Variants in PRKG2 observed in about 807,000 individuals in gnomAD.
PRKG2 encodes cGMP-dependent protein kinase 2.
A neutral mutation model predicts 97.2 loss-of-function variants in PRKG2; 33 were observed. That is an observed-to-expected ratio of 0.34 (90% CI 0.26 to 0.45). The LOEUF (loss-of-function observed/expected upper bound fraction) is 0.45. PRKG2 is among the 20% of genes least tolerant of loss of function. The probability of loss-of-function intolerance (pLI) is 1.00; values close to 1 mark genes in which losing one functional copy is unlikely to be tolerated. For synonymous variants in PRKG2, 330 were observed against 321.8 expected, an observed-to-expected ratio of 1.03 and a Z score of -0.27; for missense variants, 638 against 900.0, an observed-to-expected ratio of 0.71 and a Z score of 3.73.
chr4:81,132,043 T>A (rs1746233652), intron 14 of PRKG2, among the ~76,000 whole-genome samples: 1 of 152,142 alleles, frequency 6.6e-6, no homozygotes, highest in Non-Finnish European at 1.5e-5. Context: ...TTGAATTATC[T>A]AATCCATGAA....
chr4:81,124,657 G>A (rs192993183), intron 14 of PRKG2, among the ~76,000 whole-genome samples: 1 of 152,218 alleles, frequency 6.6e-6, no homozygotes, highest in East Asian at 1.9e-4. Flanking sequence ...GCACATGAGG[G>A]AGTCACCTTG....
rs149684851 is a variant in PRKG2, at chr4:81,181,663, A to G, written c.462-6704T>C. ...AGTAAGAGAGGGAGGAGGTATAATTACTATTACTAGAAATAAGAAGAAGAC... is the reference window on the plus strand; with the variant it reads ...AGTAAGAGAGGGAGGAGGTATAATTGCTATTACTAGAAATAAGAAGAAGAC... On this transcript the variant is annotated intron_variant, in intron 2 of 18. Coordinates refer to ENST00000264399, the MANE Select transcript of PRKG2 (RefSeq NM_006259.3). 5.3e-5 allele frequency among the ~76,000 whole-genome samples: 8 copies of G among 152,036 alleles called. No individual in the cohort carries two copies. In the East Asian group the frequency reaches 1.5e-3, roughly 29 times the overall value.
chr4:81,167,516 T>C (rs1750091249), intron 5 of PRKG2, among the ~76,000 whole-genome samples: 1 of 152,106 alleles, frequency 6.6e-6, no homozygotes, highest in African/African-American at 2.4e-5. Context: ...TAAATTTACA[T>C]TTGTTGTTGG....
At chr4:81,115,499 A>G (rs1744428073) in intron 14 of PRKG2, among the ~76,000 whole-genome samples, 2 of 152,216 alleles carry the variant, frequency 1.3e-5, no homozygotes, top group South Asian at 2.1e-4. Flanking sequence ...AGCTTCACAA[A>G]AAGTTCTGCT....
At chr4:81,217,293 G>A (rs147479798), upstream of PRKG2, among the ~76,000 whole-genome samples, 2 of 151,970 alleles carry the variant, frequency 1.3e-5, no homozygotes, top group East Asian at 1.9e-4. Context: ...GAGTATGCAC[G>A]CACACTGGGT....
chr4:81,210,336 A>T (rs1181313694), intron 1 of PRKG2, among the ~76,000 whole-genome samples: 1 of 152,174 alleles, frequency 6.6e-6, no homozygotes, highest in South Asian at 2.1e-4. Context: ...CATATGTCTA[A>T]TTCTGAACAC....
chr4:81,098,323 T>A (rs1277889947), intron 17 of PRKG2, among the ~76,000 whole-genome samples: 1 of 69,412 alleles, frequency 1.4e-5, no homozygotes, highest in Non-Finnish European at 2.2e-5. Flanking sequence ...ATCGTGTGAG[T>A]TAATAAACTC....
intron 17 of PRKG2, among the ~76,000 whole-genome samples, chr4:81,093,251 T>C (rs1258202556): frequency 1.3e-5 from 2 of 152,040 alleles, no homozygotes; most frequent in Admixed American, 1.3e-4. Flanking sequence ...TTGTTCTTTC[T>C]CTAGATTTCC....
chr4:81,198,869 T>A (rs898543518), intron 2 of PRKG2, among the ~76,000 whole-genome samples: 1 of 152,176 alleles, frequency 6.6e-6, no homozygotes, highest in Admixed American at 6.6e-5. Flanking sequence ...ACATTGTCTA[T>A]CACTATGAAA....
At chr4:81,155,009 C>T (rs1748885984) in intron 6 of PRKG2, among the ~76,000 whole-genome samples, 2 of 151,284 alleles carry the variant, frequency 1.3e-5, no homozygotes, top group African/African-American at 2.4e-5. Flanking sequence ...CCCGTCTCTA[C>T]TAAAAATACA....
At chr4:81,163,897 CACACA>C in intron 6 of PRKG2, among the ~76,000 whole-genome samples, 3 of 150,860 alleles carry the variant, frequency 2.0e-5, no homozygotes, top group East Asian at 2.0e-4. Context: ...CACACACACA[CACACA>C]CCTCTGTGCA....
At chr4:81,108,391 C>T (rs765419762) in intron 15 of PRKG2, among the ~76,000 whole-genome samples, 2 of 151,552 alleles carry the variant, frequency 1.3e-5, no homozygotes, top group Non-Finnish European at 2.9e-5. Flanking sequence ...TTTTACTAAA[C>T]TATATTTCAC....
chr4:81,161,147 C>T (rs1186696556), intron 6 of PRKG2, among the ~76,000 whole-genome samples: 1 of 152,064 alleles, frequency 6.6e-6, no homozygotes, highest in African/African-American at 2.4e-5. Flanking sequence ...AAATGTTACT[C>T]CTAATACTAA....
chr4:81,202,718 T>C (rs1753392406), intron 2 of PRKG2, among the ~76,000 whole-genome samples: 1 of 131,920 alleles, frequency 7.6e-6, no homozygotes, highest in African/African-American at 3.8e-5. Flanking sequence ...ACAGAAAGTG[T>C]ATATAACTAC....
In PRKG2 at chr4:81,088,164, T is replaced by G. The variant is rs1741255591; in HGVS notation, c.*1544A>C. ...CTCCAGGAAACAAAAACTCTTTGGT[T>G]CAGCAAAAGGATTATAAATGTGGAA... On this transcript the variant is annotated 3_prime_UTR_variant, in exon 19 of 19. Coordinates refer to ENST00000264399, the MANE Select transcript of PRKG2 (RefSeq NM_006259.3). The G allele has an allele frequency of 6.6e-6, 1 of 152,126 alleles. No homozygotes were observed. Among genetic ancestry groups the G allele is most frequent in the South Asian group, 2.1e-4 (1 of 4,828 alleles). The allele number at this position is 152,126 out of a possible 1,614,324, so 9.4% of individuals were successfully genotyped here.
At chr4:81,143,967 T>C (rs1025664937) in intron 10 of PRKG2, among the ~76,000 whole-genome samples, 4 of 152,156 alleles carry the variant, frequency 2.6e-5, no homozygotes, top group Non-Finnish European at 5.9e-5. Context: ...AATATCCCTT[T>C]TGTAAGGCCC....
At chr4:81,154,467 C>G (rs1443640987) in intron 6 of PRKG2, among the ~76,000 whole-genome samples, 1 of 149,900 alleles carries the variant, frequency 6.7e-6, no homozygotes, top group East Asian at 1.9e-4. Context: ...TGACCCTGAC[C>G]CCCGAGCAGC....
In PRKG2 at chr4:81,093,707, CT is replaced by C. The variant is rs77191687; in HGVS notation, c.2127-1256del. ...GAAAATATGGGATTAAGAGGAAGTT[CT>C]TTCATCATTGCTTATGCATCACTCA... On this transcript the variant is annotated intron_variant, in intron 17 of 18. Coordinates refer to ENST00000264399, the MANE Select transcript of PRKG2 (RefSeq NM_006259.3). Among the ~76,000 whole-genome samples the C allele has an allele frequency of 7.5e-4, 114 of 151,958 alleles. 1 individual carries two copies. The East Asian group carries it at 0.021, about 28-fold the overall frequency.
intron 14 of PRKG2, among the ~76,000 whole-genome samples, chr4:81,117,348 C>G (rs1011861761): frequency 4.6e-4 from 70 of 152,096 alleles, no homozygotes; most frequent in African/African-American, 1.6e-3. Flanking sequence ...TTATTGTTCA[C>G]TTTTCAATCC....
Sources: allele counts gnomAD v4.1 joint callset (sites outside exome capture counted in the v4.1 genomes callset), GRCh38; gene constraint gnomAD v4.1.1; transcripts MANE v1.5; gene names NCBI Gene and HGNC (gene_info 2026-07-23, HGNC 2026-07-21).